The following RBFOX3 variants were observed in gnomAD, a reference collection of about 807,000 sequenced individuals.
RBFOX3 encodes the protein RNA binding fox-1 homolog 3.
Under a neutral mutation model 48.7 loss-of-function variants are expected in RBFOX3, and 17 were observed. The observed-to-expected ratio is 0.35, with a 90% CI of 0.24 to 0.52. The LOEUF (loss-of-function observed/expected upper bound fraction) is 0.52. Ranked by LOEUF, RBFOX3 falls within the 20% of genes least tolerant of loss-of-function variation. The pLI is 0.94. For missense variants in RBFOX3, 382 were observed against 497.5 expected (o/e 0.77, Z 2.21); for synonymous variants, 212 against 209.5 (o/e 1.01, Z -0.10).
chr17:79,209,651 C>G (rs886828483), intron 4 of RBFOX3, among the ~76,000 whole-genome samples: 1 of 152,166 alleles, frequency 6.6e-6, no homozygotes, highest in African/African-American at 2.4e-5. Context: ...ACGAGGTTGC[C>G]TGCAGAGACA....
intron 2 of RBFOX3, among the ~76,000 whole-genome samples, chr17:79,416,410 T>C (rs1409066844): frequency 6.6e-6 from 1 of 152,170 alleles, no homozygotes; most frequent in Non-Finnish European, 1.5e-5. Flanking sequence ...CTGCTAGGCA[T>C]AGTATAGGGC....
At chr17:79,514,209 G>A (rs2084926166) in intron 1 of RBFOX3, among the ~76,000 whole-genome samples, 5 of 152,150 alleles carry the variant, frequency 3.3e-5, no homozygotes. Context: ...CTGGGATTCT[G>A]CTCACCTCCC....
chr17:79,161,162 C>G (rs984192215), intron 4 of RBFOX3, among the ~76,000 whole-genome samples: 13 of 152,048 alleles, frequency 8.5e-5, no homozygotes, highest in African/African-American at 3.1e-4. Flanking sequence ...ATGGTGGGGT[C>G]ATCCAGCCTG....
At chr17:79,381,500 TCAGACAGCGCATCCTGGGCCA>T (rs1281769253) in intron 2 of RBFOX3, among the ~76,000 whole-genome samples, 1 of 152,158 alleles carries the variant, frequency 6.6e-6, no homozygotes, top group Non-Finnish European at 1.5e-5. Context: ...GGCTGCCGTG[TCAGACAGCGCATCCTGGGCCA>T]CAGACGTGTT....
At chr17:79,519,525 C>T (rs937791252) in intron 1 of RBFOX3, among the ~76,000 whole-genome samples, 10 of 151,660 alleles carry the variant, frequency 6.6e-5, no homozygotes, top group African/African-American at 2.2e-4. Context: ...CCCCACCCAT[C>T]CCCTCCCCTT....
intron 4 of RBFOX3, among the ~76,000 whole-genome samples, chr17:79,166,205 C>G (rs2047972592): frequency 6.6e-6 from 1 of 152,050 alleles, no homozygotes; most frequent in Non-Finnish European, 1.5e-5. Context: ...CTGGAGGATG[C>G]AACTCCAAGC....
intron 1 of RBFOX3, among the ~76,000 whole-genome samples, chr17:79,556,800 C>T (rs1258651381): frequency 4.6e-5 from 7 of 152,166 alleles, no homozygotes; most frequent in Non-Finnish European, 7.4e-5. Context: ...TCTGGAGGCA[C>T]AGAGTCCACC....
intron 4 of RBFOX3, among the ~76,000 whole-genome samples, chr17:79,209,947 A>C (rs1426805333): frequency 9.3e-5 from 14 of 150,598 alleles, no homozygotes; most frequent in Admixed American, 8.6e-4. Flanking sequence ...CAGTGAGCCG[A>C]GATCACGCCA....
At chr17:79,257,252 G>A (rs554695547) in intron 3 of RBFOX3, among the ~76,000 whole-genome samples, 5 of 152,318 alleles carry the variant, frequency 3.3e-5, no homozygotes, top group South Asian at 4.1e-4. Flanking sequence ...CCCAAGCCCC[G>A]AGCCCCGGGA....
chr17:79,576,752 G>A (rs1043858791), intron 1 of RBFOX3, among the ~76,000 whole-genome samples: 77 of 152,234 alleles, frequency 5.1e-4, no homozygotes, highest in Admixed American at 2.4e-3. Context: ...AGATCATGGA[G>A]ATGATGGAGA....
At chr17:79,357,312 A>G (rs2085346322) in intron 2 of RBFOX3, among the ~76,000 whole-genome samples, 1 of 152,224 alleles carries the variant, frequency 6.6e-6, no homozygotes, top group Non-Finnish European at 1.5e-5. Flanking sequence ...GCAAAAGTAA[A>G]GCTTCATTCC....
the RBFOX3 span, among the ~76,000 whole-genome samples, chr17:79,664,015 C>A: frequency 4.6e-5 from 7 of 152,142 alleles, no homozygotes; most frequent in Non-Finnish European, 8.8e-5. Context: ...GACGAGCAGG[C>A]CTCGCCAGCC....
rs2031800679 is a variant in RBFOX3 at position 79,111,977 on chromosome 17, G to A, written c.222+3517C>T. On this transcript the variant is annotated intron_variant, in intron 5 of 14. Coordinates refer to ENST00000693108, the MANE Select transcript of RBFOX3 (RefSeq NM_001350451.2). The surrounding 1 kb of genome is among the most constrained non-coding windows in gnomAD (Gnocchi z 4.2). ...CAGGTGATGTCGTGGTGAGCGGTGAGAGAAACGGAGCCTATGTGCAGGTGT... is the reference window on the plus strand; with the variant it reads ...CAGGTGATGTCGTGGTGAGCGGTGAAAGAAACGGAGCCTATGTGCAGGTGT... Among the ~76,000 whole-genome samples the A allele has an allele frequency of 6.6e-6, 1 of 152,240 alleles. No individual in the cohort carries two copies. Among genetic ancestry groups the A allele is most frequent in the South Asian group, 2.1e-4 (1 of 4,832 alleles).
intron 1 of RBFOX3, among the ~76,000 whole-genome samples, chr17:79,561,089 T>A (rs2144195407): frequency 6.6e-6 from 1 of 152,290 alleles, no homozygotes; most frequent in African/African-American, 2.4e-5. Context: ...TTCAAACAAA[T>A]AGACCTTGCA....
At chr17:79,615,961 A>G (rs1404327459), upstream of RBFOX3, among the ~76,000 whole-genome samples, 1 of 152,152 alleles carries the variant, frequency 6.6e-6, no homozygotes, top group Non-Finnish European at 1.5e-5. Flanking sequence ...ATCATCACAG[A>G]CAGAAAGGAC....
chr17:79,525,287 G>A (rs1012034728), intron 1 of RBFOX3, among the ~76,000 whole-genome samples: 10 of 152,176 alleles, frequency 6.6e-5, no homozygotes, highest in South Asian at 2.1e-4. Context: ...ATGTCCCCCC[G>A]GGGCAAAATC....
At chr17:79,366,932 G>C (rs998598393) in intron 2 of RBFOX3, among the ~76,000 whole-genome samples, 5 of 152,200 alleles carry the variant, frequency 3.3e-5, no homozygotes, top group African/African-American at 1.2e-4. Flanking sequence ...CCTCGCCCAA[G>C]GGCCCTGGGG....
At chr17:79,203,213 G>A (rs993603123) in intron 4 of RBFOX3, among the ~76,000 whole-genome samples, 16 of 150,452 alleles carry the variant, frequency 1.1e-4, no homozygotes, top group Non-Finnish European at 4.4e-5. Context: ...ACAACCCCTG[G>A]CCTGTGGGGG....
At chr17:79,379,184 C>A (rs527860805) in intron 2 of RBFOX3, among the ~76,000 whole-genome samples, 6 of 152,200 alleles carry the variant, frequency 3.9e-5, no homozygotes, top group African/African-American at 9.7e-5. Context: ...GCCAGCCATG[C>A]GCTTGCTTAT....
Sources: allele counts gnomAD v4.1 joint callset (sites outside exome capture counted in the v4.1 genomes callset), GRCh38; gene constraint gnomAD v4.1.1; non-coding constraint Gnocchi (gnomAD v3.1); transcripts MANE v1.5; gene names NCBI Gene and HGNC (gene_info 2026-07-23, HGNC 2026-07-21).